MS4A14: variants seen among roughly 807,000 people sequenced by gnomAD.
The protein encoded by MS4A14 is membrane-spanning 4-domains subfamily A member 14.
A neutral mutation model predicts 16.7 loss-of-function variants in MS4A14; 18 were observed. The ratio of observed to expected loss-of-function variants is 1.08; its 90% CI spans 0.75 to 1.60. The LOEUF is 1.60. MS4A14 is among the 40% of genes most tolerant of loss of function. The probability of loss-of-function intolerance (pLI) is 0.00; values close to 1 mark genes in which losing one functional copy is unlikely to be tolerated. For missense variants in MS4A14, 812 were observed against 775.3 expected (o/e 1.05, Z -0.56); for synonymous variants, 305 against 289.4 (o/e 1.05, Z -0.55).
At chr11:60,403,434 T>A (rs2085743894) in intron 4 of MS4A14, among the ~76,000 whole-genome samples, 1 of 152,204 alleles carries the variant, frequency 6.6e-6, no homozygotes, top group African/African-American at 2.4e-5. Flanking sequence ...ATTATGGCCA[T>A]AGATTGAATT....
Position 60,417,210 on chromosome 11 carries a change from G to T in MS4A14, c.*202G>T. The T allele has an allele frequency of 1.7e-6, 1 of 578,720 alleles. No homozygotes were observed. The allele number at this position is 578,720 out of a possible 1,614,324, so 35.8% of individuals were successfully genotyped here. A position where few individuals can be genotyped will look rare whatever the true frequency, so the allele number is the denominator to read the frequency against. ...AAAGACCAACAAGACCTTCAATCCA[G>T]AGTTACACAAAAAGGAGATATGTAC... is the stretch of plus-strand genomic sequence containing the variant. On this transcript the variant is annotated 3_prime_UTR_variant, in exon 5 of 5. Transcript: ENST00000300187.
chr11:60,410,333 T>C (rs1266655538), intron 4 of MS4A14, among the ~76,000 whole-genome samples: 1 of 152,232 alleles, frequency 6.6e-6, no homozygotes, highest in Non-Finnish European at 1.5e-5. Flanking sequence ...ATTGTAGAGT[T>C]CTTTATATAT....
At chr11:60,398,009 GA>G in intron 2 of MS4A14, 29 bp downstream of exon 2, 1 of 1,606,470 alleles carries the variant, frequency 6.2e-7, no homozygotes, top group Non-Finnish European at 8.5e-7. Flanking sequence ...AAGCTTTGGA[GA>G]AATTGCTATA....
intron 4 of MS4A14, among the ~76,000 whole-genome samples, chr11:60,411,572 G>T (rs1272002791): frequency 6.6e-6 from 1 of 152,040 alleles, no homozygotes; most frequent in Non-Finnish European, 1.5e-5. Flanking sequence ...ATTGTTTATT[G>T]CTGTTATACA....
At chr11:60,406,038 G>C in intron 4 of MS4A14, 1 of 1,128,114 alleles carries the variant, frequency 8.9e-7, no homozygotes, top group Non-Finnish European at 1.2e-6. Flanking sequence ...TCCTGTTCCT[G>C]TTGGGATACT....
chr11:60,398,058 A>G, intron 2 of MS4A14, 78 bp downstream of exon 2: 1 of 1,506,278 alleles, frequency 6.6e-7, no homozygotes, highest in Non-Finnish European at 9.0e-7. Flanking sequence ...TAGGGTAATG[A>G]ATTCCATAAA....
rs140428922 is a variant in MS4A14, at chr11:60,416,112, T to A, written c.1144T>A (p.Ser382Thr). 4 of 1,609,364 alleles carry A rather than the reference T, an allele frequency of 2.5e-6. No homozygotes were observed. Among genetic ancestry groups the A allele is most frequent in the Non-Finnish European group, 3.4e-6 (4 of 1,177,726 alleles). The change falls in exon 5 of 5, where the codon TCC becomes ACC. Residue 382 changes from serine (S) to threonine (T), a missense_variant. Transcript: ENST00000300187. ...TGACATGACATCCCAAGATATGCAATCCCTAGATATGCTATCTCAAGACAC... is the reference window on the plus strand; with the variant it reads ...TGACATGACATCCCAAGATATGCAAACCCTAGATATGCTATCTCAAGACAC... ...FHDMTSQDMQ[S>T]LDMLSQDTPS...
rs778772484 is a variant in MS4A14, at chr11:60,415,535, C to G, written c.567C>G (p.Ser189=). 6 of 1,613,658 alleles carry G rather than the reference C, an allele frequency of 3.7e-6. No homozygotes were observed. Among genetic ancestry groups the G allele is most frequent in the East Asian group, 2.2e-5 (1 of 44,856 alleles). ...AATTTGTGCTTCAAGAAGAGTTTTC[C>G]AGTGATGATTCAACAACAAATGCAC... ...QLQFVLQEEF[S]SDDSTTNAQS... is the part of the protein sequence containing the mutation. The change falls in exon 5 of 5, where the codon TCC becomes TCG. Residue 189 remains serine, a synonymous_variant. Coordinates refer to ENST00000300187, the MANE Select transcript of MS4A14 (RefSeq NM_032597.5).
At chr11:60,404,334 G>A (rs1002059059) in intron 4 of MS4A14, among the ~76,000 whole-genome samples, 1 of 152,174 alleles carries the variant, frequency 6.6e-6, no homozygotes, top group Admixed American at 6.5e-5. Context: ...AAAAGAGCCA[G>A]AACAGTGGGC....
At chr11:60,404,955 G>A (rs2135133950) in intron 4 of MS4A14, among the ~76,000 whole-genome samples, 1 of 152,270 alleles carries the variant, frequency 6.6e-6, no homozygotes, top group East Asian at 1.9e-4. Flanking sequence ...GCATACAATA[G>A]GGTCTTCATA....
chr11:60,400,401 C>A lies in MS4A14; in HGVS notation c.268-3C>A. The A allele has an allele frequency of 6.3e-7, 1 of 1,596,694 alleles. No homozygotes were observed. Among genetic ancestry groups the A allele is most frequent in the African/African-American group, 1.3e-5 (1 of 74,662 alleles). On this transcript the variant is annotated splice_region_variant and splice_polypyrimidine_tract_variant and intron_variant, in intron 2 of 4. Coordinates refer to ENST00000300187, the MANE Select transcript of MS4A14 (RefSeq NM_032597.5). ...TAACTTTTGTCTCTTGTCTTCTTAA[C>A]AGTTTATTCTTACAGGATACCTCAC...
intron 4 of MS4A14, 51 bp from the exon 5 acceptor site, chr11:60,415,386 A>T: frequency 6.6e-7 from 1 of 1,521,084 alleles, no homozygotes; most frequent in Non-Finnish European, 8.8e-7. Flanking sequence ...AACAAAAAAA[A>T]AATCAGACAT....
At chr11:60,415,391 A>G in intron 4 of MS4A14, 46 bp from the exon 5 acceptor site, 1 of 1,522,434 alleles carries the variant, frequency 6.6e-7, no homozygotes. Context: ...AAAAAAAATC[A>G]GACATGATTC....
chr11:60,402,770 AGC>A (rs2085732986), intron 3 of MS4A14, 140 bp from the exon 4 acceptor site: 1 of 795,532 alleles, frequency 1.3e-6, no homozygotes, highest in Non-Finnish European at 2.0e-6. Flanking sequence ...TAGTTTATTA[AGC>A]CTTCCAATCA....
At chr11:60,414,459 A>C (rs376146880) in intron 4 of MS4A14, among the ~76,000 whole-genome samples, 3 of 152,162 alleles carry the variant, frequency 2.0e-5, no homozygotes, top group African/African-American at 4.8e-5. Flanking sequence ...CACTTCATCA[A>C]ATAGAACAAG....
Position 60,417,297 on chromosome 11 carries a change from C to A in MS4A14, c.*289C>A. 1 of 249,174 alleles carries A rather than the reference C, an allele frequency of 4.0e-6. No homozygotes were observed. The highest frequency in any genetic ancestry group is 7.7e-6 in the Non-Finnish European group (1 of 129,968). 15.4% of individuals were successfully genotyped at this position (249,174 alleles called of 1,614,324 possible). A position where few individuals can be genotyped will look rare whatever the true frequency, so the allele number is the denominator to read the frequency against. ...GGGCAAACCTCAGGGGACCTGCAAT[C>A]AGAAGACGTGAAGGCAGATTTTCAT... On this transcript the variant is annotated 3_prime_UTR_variant, in exon 5 of 5. Transcript: ENST00000300187.
chr11:60,415,182 G>A (rs377005003), intron 4 of MS4A14, among the ~76,000 whole-genome samples: 1 of 152,170 alleles, frequency 6.6e-6, no homozygotes, highest in South Asian at 2.1e-4. Flanking sequence ...ATAATATTAA[G>A]TATGGGAGGA....
At chr11:60,410,154 CA>C (rs2085847590) in intron 4 of MS4A14, among the ~76,000 whole-genome samples, 1 of 152,220 alleles carries the variant, frequency 6.6e-6, no homozygotes, top group African/African-American at 2.4e-5. Context: ...TCACCACACC[CA>C]GCCTTATATA....
chr11:60,403,954 ACT>A (rs1338301231), intron 4 of MS4A14, among the ~76,000 whole-genome samples: 6 of 152,096 alleles, frequency 3.9e-5, no homozygotes, highest in Non-Finnish European at 4.4e-5. Flanking sequence ...GGTCCCAGGG[ACT>A]CTCTCATGTG....
Sources: gnomAD v4.1 joint callset for allele counts (sites outside exome capture counted in the v4.1 genomes callset) on GRCh38, gnomAD v4.1.1 for gene constraint, MANE v1.5 for transcripts, NCBI Gene and HGNC (gene_info 2026-07-23, HGNC 2026-07-21) for gene names.